The following BORCS5 variants were observed in gnomAD, a reference collection of about 807,000 sequenced individuals.
The protein encoded by BORCS5 is BLOC-1 related complex subunit 5.
A neutral mutation model predicts 22.1 loss-of-function variants in BORCS5; 17 were observed. The ratio of observed to expected loss-of-function variants is 0.77; its 90% CI spans 0.53 to 1.15. BORCS5 has a LOEUF of 1.15. Ranked by LOEUF, BORCS5 falls within the 50% of genes most tolerant of loss-of-function variation. BORCS5 has a pLI of 0.00. For synonymous variants in BORCS5, 117 were observed against 99.8 expected (o/e 1.17, Z -1.03); for missense variants, 247 against 253.2 (o/e 0.98, Z 0.17).
chr12:12,361,402 C>T (rs1565823405), intron 2 of BORCS5, 53 bp downstream of exon 2: 25 of 1,587,752 alleles, frequency 1.6e-5, no homozygotes, highest in Non-Finnish European at 1.3e-5. Flanking sequence ...TTTGTGTAGC[C>T]CTACTACTTT....
intron 3 of BORCS5, among the ~76,000 whole-genome samples, chr12:12,441,204 G>A (rs1407640430): frequency 1.3e-5 from 2 of 152,300 alleles, no homozygotes; most frequent in East Asian, 3.9e-4. Flanking sequence ...TTTGTTGAGT[G>A]GTCATGGTGA....
At chr12:12,368,436 T>C (rs961531489) in intron 2 of BORCS5, among the ~76,000 whole-genome samples, 1 of 152,038 alleles carries the variant, frequency 6.6e-6, no homozygotes, top group Non-Finnish European at 1.5e-5. Context: ...ACTTCAACTT[T>C]TTTTTCTTTT....
intron 2 of BORCS5, among the ~76,000 whole-genome samples, chr12:12,377,058 G>A (rs61923564): frequency 0.15 from 23,358 of 152,074 alleles, 4,101 homozygotes; most frequent in African/African-American, 0.43. Context: ...TCTTACTACC[G>A]GAGGAAACTT....
In BORCS5 at chr12:12,465,624, C is replaced by G. The variant is rs1183305018; in HGVS notation, c.439C>G (p.Gln147Glu). ...ATACGCCAAGTATGCCGAGCAGATC[C>G]AGAAAGTGAACGAGATGTCCGCCAT... is the stretch of plus-strand genomic sequence containing the variant. The part of the protein sequence containing the change: ...KRYAKYAEQI[Q>E]KVNEMSAILR... Residue 147 changes from glutamine (Q) to glutamate (E), a missense_variant, in exon 4 of 4, where the codon CAG (glutamine) becomes GAG (glutamate). Physicochemically the swap from Gln to Glu is conservative, Grantham distance 29. Transcript: ENST00000314565. 5 of 1,614,270 alleles carry G rather than the reference C, an allele frequency of 3.1e-6. No homozygotes were observed. Among genetic ancestry groups the G allele is most frequent in the Non-Finnish European group, 4.2e-6 (5 of 1,180,046 alleles).
intron 3 of BORCS5, among the ~76,000 whole-genome samples, chr12:12,437,556 A>G (rs763958127): frequency 2.6e-5 from 4 of 152,180 alleles, no homozygotes; most frequent in Non-Finnish European, 4.4e-5. Flanking sequence ...AGGTCAAACG[A>G]TTTGCATATT....
At chr12:12,380,419 A>C (rs935255903) in intron 2 of BORCS5, among the ~76,000 whole-genome samples, 1 of 151,490 alleles carries the variant, frequency 6.6e-6, no homozygotes, top group Non-Finnish European at 1.5e-5. Flanking sequence ...GACCATATCA[A>C]AATTATTTCC....
intron 2 of BORCS5, among the ~76,000 whole-genome samples, chr12:12,413,785 G>A (rs867812092): frequency 2.5e-5 from 2 of 81,190 alleles, no homozygotes; most frequent in Admixed American, 1.0e-4. Flanking sequence ...AGGGGCGGCC[G>A]GGCAGAGGCG....
intron 2 of BORCS5, among the ~76,000 whole-genome samples, chr12:12,387,958 G>A (rs1863918465): frequency 6.6e-6 from 1 of 151,396 alleles, no homozygotes; most frequent in Non-Finnish European, 1.5e-5. Context: ...CAGAGATCCA[G>A]GGAAAAGCTC....
chr12:12,416,097 T>G (rs1941943910), intron 2 of BORCS5, among the ~76,000 whole-genome samples: 1 of 152,220 alleles, frequency 6.6e-6, no homozygotes, highest in Non-Finnish European at 1.5e-5. Context: ...ACCTAGGTTA[T>G]CTAATTTATT....
chr12:12,399,686 C>T (rs1447135305), intron 2 of BORCS5, among the ~76,000 whole-genome samples: 1 of 152,174 alleles, frequency 6.6e-6, no homozygotes, highest in Non-Finnish European at 1.5e-5. Flanking sequence ...AAGACCTTCA[C>T]ATACATGTTG....
At chr12:12,421,880 G>A (rs1216785996) in intron 2 of BORCS5, among the ~76,000 whole-genome samples, 1 of 152,186 alleles carries the variant, frequency 6.6e-6, no homozygotes, top group African/African-American at 2.4e-5. Context: ...TTGTATTTCT[G>A]TGGGATCGGT....
intron 2 of BORCS5, among the ~76,000 whole-genome samples, chr12:12,414,533 A>G (rs372264604): frequency 0.033 from 936 of 28,380 alleles, 156 homozygotes; most frequent in African/African-American, 0.12. Flanking sequence ...CTCACCTCCC[A>G]GACTGGGCGG....
intron 3 of BORCS5, among the ~76,000 whole-genome samples, chr12:12,459,534 T>C (rs954383025): frequency 6.6e-6 from 1 of 152,230 alleles, no homozygotes; most frequent in Non-Finnish European, 1.5e-5. Context: ...CGTCTCGAAC[T>C]GCTGACCTCA....
At chr12:12,402,376 A>G (rs896672975) in intron 2 of BORCS5, among the ~76,000 whole-genome samples, 2 of 152,206 alleles carry the variant, frequency 1.3e-5, no homozygotes, top group African/African-American at 4.8e-5. Flanking sequence ...TCATATTTGA[A>G]TTGAGTGGCA....
intron 2 of BORCS5, among the ~76,000 whole-genome samples, chr12:12,380,993 C>T (rs888608910): frequency 4.2e-5 from 6 of 144,262 alleles, no homozygotes; most frequent in Admixed American, 6.9e-5. Flanking sequence ...CTGTGACTTT[C>T]TTTTCATTTT....
chr12:12,418,372 C>T (rs1470024413), intron 2 of BORCS5, among the ~76,000 whole-genome samples: 1 of 151,956 alleles, frequency 6.6e-6, no homozygotes, highest in African/African-American at 2.4e-5. Flanking sequence ...TCCTTTGTCT[C>T]TTGTAACCGC....
intron 2 of BORCS5, among the ~76,000 whole-genome samples, chr12:12,425,369 C>T (rs551985634): frequency 6.6e-6 from 1 of 152,330 alleles, no homozygotes; most frequent in Admixed American, 6.5e-5. Context: ...GTGCTTCCTA[C>T]CACAGTCTTC....
chr12:12,417,987 C>CATTTATTT (rs144698905), intron 2 of BORCS5, among the ~76,000 whole-genome samples: 39 of 139,012 alleles, frequency 2.8e-4, no homozygotes, highest in East Asian at 6.4e-4. Context: ...TATATCAAAC[C>CATTTATTT]ATTTATTTAT....
At chr12:12,396,809 T>A (rs896473696) in intron 2 of BORCS5, among the ~76,000 whole-genome samples, 5 of 152,242 alleles carry the variant, frequency 3.3e-5, no homozygotes, top group Admixed American at 3.3e-4. Context: ...AATAAAATAA[T>A]GTTTTTAAAT....
Sources: gnomAD v4.1 joint callset for allele counts (sites outside exome capture counted in the v4.1 genomes callset) on GRCh38, gnomAD v4.1.1 for gene constraint, MANE v1.5 for transcripts, NCBI Gene and HGNC (gene_info 2026-07-23, HGNC 2026-07-21) for gene names.